The following EYA1 variants were observed in gnomAD, a reference collection of about 807,000 sequenced individuals.
EYA1 encodes EYA transcriptional coactivator and phosphatase 1, also known as protein phosphatase EYA1.
EYA1 carries 16 observed loss-of-function variants against 82.0 expected under a neutral mutation model. That is an observed-to-expected ratio of 0.20 (90% CI 0.13 to 0.30). The LOEUF (loss-of-function observed/expected upper bound fraction) is 0.30. EYA1 is among the 10% of genes least tolerant of loss of function. The pLI is 1.00. For synonymous variants in EYA1, 261 were observed against 264.4 expected (o/e 0.99, Z 0.12); for missense variants, 633 against 730.7 (o/e 0.87, Z 1.54).
At chr8:71,210,486 G>A (rs1333194468) in intron 17 of EYA1, among the ~76,000 whole-genome samples, 1 of 152,162 alleles carries the variant, frequency 6.6e-6, no homozygotes, top group Admixed American at 6.5e-5. Context: ...CCAGGCTAAG[G>A]AAGGTGGTCC....
At chr8:71,250,942 T>A (rs111792430) in intron 11 of EYA1, among the ~76,000 whole-genome samples, 1 of 152,210 alleles carries the variant, frequency 6.6e-6, no homozygotes, top group African/African-American at 2.4e-5. Context: ...GAAAAAACAA[T>A]TCCTAATGAT....
chr8:71,347,986 G>A (rs925882159), intron 3 of EYA1, among the ~76,000 whole-genome samples: 27 of 150,852 alleles, frequency 1.8e-4, no homozygotes, highest in Middle Eastern at 3.5e-3. Flanking sequence ...GGTCCTAAAC[G>A]TTAACATAAA....
intron 11 of EYA1, among the ~76,000 whole-genome samples, chr8:71,258,299 A>G (rs1563709270): frequency 6.6e-6 from 1 of 152,230 alleles, no homozygotes; most frequent in African/African-American, 2.4e-5. Flanking sequence ...ATGGTGACTC[A>G]GGCAGGAGAG....
chr8:71,233,058 G>A (rs1811384829), intron 12 of EYA1, among the ~76,000 whole-genome samples: 3 of 152,182 alleles, frequency 2.0e-5, no homozygotes, highest in Non-Finnish European at 4.4e-5. Flanking sequence ...CACCTCTGGT[G>A]TCTCTAGAAC....
chr8:71,267,601 CACA>C (rs1816002457), intron 11 of EYA1, among the ~76,000 whole-genome samples: 1 of 152,126 alleles, frequency 6.6e-6, no homozygotes, highest in Non-Finnish European at 1.5e-5. Context: ...CAGGCTGGAG[CACA>C]GTGGCGCGAT....
intron 3 of EYA1, among the ~76,000 whole-genome samples, chr8:71,346,139 C>T (rs1825678614): frequency 1.3e-5 from 2 of 152,104 alleles, no homozygotes; most frequent in Non-Finnish European, 2.9e-5. Context: ...TTCTTCAGGA[C>T]TCAGGTTAAG....
At chr8:71,507,054 T>C (rs1812244204) in intron 2 of EYA1, among the ~76,000 whole-genome samples, 1 of 152,164 alleles carries the variant, frequency 6.6e-6, no homozygotes, top group South Asian at 2.1e-4. Context: ...ATAAACTCTA[T>C]ATCAACTCCA....
At chr8:71,456,158 T>C (rs1807883052) in intron 2 of EYA1, among the ~76,000 whole-genome samples, 1 of 152,170 alleles carries the variant, frequency 6.6e-6, no homozygotes, top group Admixed American at 6.5e-5. Context: ...CCATTCACAA[T>C]TGCTTCAAAG....
intron 2 of EYA1, among the ~76,000 whole-genome samples, chr8:71,401,564 G>A (rs1021439803): frequency 6.6e-5 from 10 of 152,158 alleles, no homozygotes; most frequent in Admixed American, 3.3e-4. Flanking sequence ...GCTATGAAGC[G>A]TTCTTATGGC....
chr8:71,499,812 TG>T (rs1377164313), intron 2 of EYA1, among the ~76,000 whole-genome samples: 7 of 152,326 alleles, frequency 4.6e-5, no homozygotes, highest in Middle Eastern at 3.4e-3. Flanking sequence ...GGATTTACAC[TG>T]TAGCTTTAGG....
intron 2 of EYA1, among the ~76,000 whole-genome samples, chr8:71,492,822 G>C (rs1811122500): frequency 6.6e-6 from 1 of 152,162 alleles, no homozygotes. Context: ...AAGTAAACTT[G>C]TGTCACAGGA....
rs1816583319 is a variant in EYA1, at chr8:71,271,866, G to A, written c.858C>T (p.Pro286=). Residue 286 remains proline, a synonymous_variant, in exon 10 of 18, where the codon CCC becomes CCT. Coordinates refer to ENST00000340726, the MANE Select transcript of EYA1 (RefSeq NM_000503.6). ...EYSTIHSPST[P]IKDSDSDRLR... ...ATCGATCAGAATCTGAATCTTTAAT[G>A]GGTGTTGATGGGCTGTGGATTGTGC... The A allele has an allele frequency of 6.2e-7, 1 of 1,614,150 alleles. No individual in the cohort carries two copies. The highest frequency in any genetic ancestry group is 8.5e-7 in the Non-Finnish European group (1 of 1,180,014).
intron 3 of EYA1, among the ~76,000 whole-genome samples, chr8:71,354,185 CATTT>C (rs1438221360): frequency 1.3e-5 from 2 of 151,944 alleles, no homozygotes; most frequent in East Asian, 3.8e-4. Flanking sequence ...AATTGTTCTA[CATTT>C]AAAGTATACT....
At chr8:71,493,991 C>T (rs1225204576) in intron 2 of EYA1, among the ~76,000 whole-genome samples, 5 of 118,158 alleles carry the variant, frequency 4.2e-5, no homozygotes, top group African/African-American at 1.6e-4. Context: ...CCACTGCACT[C>T]CAGCCTGGGC....
rs114846198 is a variant in EYA1 at position 71,327,224 on chromosome 8, C to T, written c.203-4956G>A. Among the ~76,000 whole-genome samples, 483 of 152,334 alleles carry T rather than the reference C, an allele frequency of 3.2e-3. 5 individuals are homozygous for T. The highest frequency in any genetic ancestry group is 0.011 in the African/African-American group (446 of 41,574). The stretch of plus-strand genomic sequence containing the variant: ...TATATTCCCACTGCCTAGAACATTG[C>T]TTGGCATATAGCAGGTGCTCAATAA... On this transcript the variant is annotated intron_variant, in intron 4 of 17. Transcript: ENST00000340726.
intron 2 of EYA1, among the ~76,000 whole-genome samples, chr8:71,379,552 C>A (rs1475649471): frequency 1.3e-5 from 2 of 152,090 alleles, no homozygotes; most frequent in African/African-American, 4.8e-5. Context: ...TACAGTGTGC[C>A]TGGAAGCAAG....
chr8:71,323,142 T>C (rs1321255484), intron 4 of EYA1, among the ~76,000 whole-genome samples: 1 of 152,122 alleles, frequency 6.6e-6, no homozygotes, highest in African/African-American at 2.4e-5. Context: ...AATCTACATA[T>C]ATATAAATCT....
intron 11 of EYA1, among the ~76,000 whole-genome samples, chr8:71,266,273 G>T (rs975083445): frequency 2.6e-5 from 4 of 152,196 alleles, no homozygotes; most frequent in Non-Finnish European, 4.4e-5. Flanking sequence ...CTCCTAAAAA[G>T]AAGTCTTGTC....
intron 2 of EYA1, among the ~76,000 whole-genome samples, chr8:71,370,976 T>C (rs775508562): frequency 5.3e-5 from 8 of 152,076 alleles, no homozygotes; most frequent in Non-Finnish European, 1.0e-4. Context: ...AGACCATTAG[T>C]AACTCACTTA....
Sources: allele counts gnomAD v4.1 joint callset (sites outside exome capture counted in the v4.1 genomes callset), GRCh38; gene constraint gnomAD v4.1.1; transcripts MANE v1.5; gene names NCBI Gene and HGNC (gene_info 2026-07-23, HGNC 2026-07-21).